Variants in ARHGAP15 observed in about 807,000 individuals in gnomAD.
ARHGAP15 encodes the protein rho GTPase-activating protein 15.
A neutral mutation model predicts 63.7 loss-of-function variants in ARHGAP15; 51 were observed. The observed-to-expected ratio is 0.80, with a 90% CI of 0.64 to 1.01. The LOEUF (loss-of-function observed/expected upper bound fraction) is 1.01, where lower values mean the gene tolerates loss of function less well. ARHGAP15 is among the 50% of genes least tolerant of loss of function. ARHGAP15 has a pLI of 0.00. For missense variants in ARHGAP15, 560 were observed against 564.6 expected, an observed-to-expected ratio of 0.99 and a Z score of 0.08; for synonymous variants, 191 against 193.8, an observed-to-expected ratio of 0.99 and a Z score of 0.12.
intron 2 of ARHGAP15, among the ~76,000 whole-genome samples, chr2:143,185,949 A>G (rs1269833572): frequency 6.6e-6 from 1 of 152,132 alleles, no homozygotes; most frequent in African/African-American, 2.4e-5. Flanking sequence ...TTGTTTCTTG[A>G]GGGGGAAAAA....
At chr2:143,515,187 A>ATGGGCCC in intron 9 of ARHGAP15, among the ~76,000 whole-genome samples, 1 of 93,168 alleles carries the variant, frequency 1.1e-5, no homozygotes, top group African/African-American at 3.4e-5. Context: ...CACTATATTA[A>ATGGGCCC]CCCCCCCACC....
chr2:143,528,631 G>A (rs184110172), intron 10 of ARHGAP15, among the ~76,000 whole-genome samples: 7 of 152,136 alleles, frequency 4.6e-5, no homozygotes, highest in South Asian at 2.1e-4. Context: ...CTGTAAAGAC[G>A]TTGAATATAC....
At chr2:143,425,452 C>A (rs1689102719) in intron 6 of ARHGAP15, among the ~76,000 whole-genome samples, 1 of 151,652 alleles carries the variant, frequency 6.6e-6, no homozygotes, top group Admixed American at 6.6e-5. Flanking sequence ...CATCATATGT[C>A]ACTATATGTG....
chr2:143,233,966 T>C lies in ARHGAP15; in HGVS notation c.384+5298T>C, dbSNP rs1160958957. Among the ~76,000 whole-genome samples the C allele has an allele frequency of 2.0e-5, 3 of 152,206 alleles. No homozygotes were observed. In the East Asian group the frequency reaches 5.8e-4, roughly 29 times the overall value. On this transcript the variant is annotated intron_variant, in intron 5 of 13. Transcript: ENST00000295095. The stretch of plus-strand genomic sequence containing the variant: ...GGCCCAATGGCTATCTTTTCAAATG[T>C]AGCCCTTTTTACATTCCCTCTCTCA...
chr2:143,353,282 C>A (rs1041978693), intron 6 of ARHGAP15, among the ~76,000 whole-genome samples: 1 of 152,020 alleles, frequency 6.6e-6, no homozygotes, highest in Non-Finnish European at 1.5e-5. Context: ...AATGTGAGAT[C>A]CTGTCTCTAA....
chr2:143,218,324 G>A (rs1444373707), intron 4 of ARHGAP15, among the ~76,000 whole-genome samples: 5 of 122,714 alleles, frequency 4.1e-5, no homozygotes, highest in African/African-American at 1.6e-4. Flanking sequence ...TGTTACCCCA[G>A]GTGCACAGAA....
chr2:143,526,251 A>C (rs529501459), intron 10 of ARHGAP15, among the ~76,000 whole-genome samples: 2 of 152,232 alleles, frequency 1.3e-5, no homozygotes, highest in South Asian at 4.1e-4. Context: ...GCAGTTCAAC[A>C]ACCAGAGAGG....
intron 6 of ARHGAP15, among the ~76,000 whole-genome samples, chr2:143,274,984 A>G (rs1001279451): frequency 6.7e-6 from 1 of 149,972 alleles, no homozygotes; most frequent in African/African-American, 2.4e-5. Flanking sequence ...AACATGGTGA[A>G]ACCCCATCTC....
intron 13 of ARHGAP15, among the ~76,000 whole-genome samples, chr2:143,756,238 C>T (rs1686571900): frequency 6.6e-6 from 1 of 152,144 alleles, no homozygotes; most frequent in African/African-American, 2.4e-5. Flanking sequence ...TTATGTTTAT[C>T]TAACGTCACA....
chr2:143,754,304 G>A (rs1269378280), intron 13 of ARHGAP15, among the ~76,000 whole-genome samples: 1 of 152,188 alleles, frequency 6.6e-6, no homozygotes, highest in Non-Finnish European at 1.5e-5. Context: ...TAAAGTCCTT[G>A]TGCTTACGGC....
rs547751112 is a variant in ARHGAP15 at position 143,662,396 on chromosome 2, C to T, written c.1138+38129C>T. ...AAAACTAACAAACAGAAAGGACATC[C>T]ACACCAAAAACCCATCTGTACATCA... On this transcript the variant is annotated intron_variant, in intron 12 of 13. Transcript: ENST00000295095. Among the ~76,000 whole-genome samples, 497 of 145,086 alleles carry T rather than the reference C, an allele frequency of 3.4e-3. 1 individual carries two copies. The highest frequency in any genetic ancestry group is 0.012 in the African/African-American group (480 of 40,040).
At chr2:143,686,311 G>C (rs532198762) in intron 12 of ARHGAP15, among the ~76,000 whole-genome samples, 45 of 109,458 alleles carry the variant, frequency 4.1e-4, no homozygotes, top group African/African-American at 1.4e-3. Context: ...TTGAACCCTG[G>C]AGGTGGAGGT....
rs1469759042 is a variant in ARHGAP15, at chr2:143,698,108, T to TA, written c.1139-5311_1139-5310insA. Reference sequence around the variant, plus strand: ...GAGATGAATATTACTCCCTATACATTGATTACTGGGATAAACTGGTCTTTT... The same window carrying TA: ...GAGATGAATATTACTCCCTATACATTAGATTACTGGGATAAACTGGTCTTTT... On this transcript the variant is annotated intron_variant, in intron 12 of 13. Transcript: ENST00000295095. Among the ~76,000 whole-genome samples the TA allele has an allele frequency of 5.3e-5, 8 of 152,254 alleles. 1 individual carries two copies. Among genetic ancestry groups the TA allele is most frequent in the Admixed American group, 3.3e-4 (5 of 15,286 alleles).
At chr2:143,445,971 A>G (rs1370400704) in intron 8 of ARHGAP15, among the ~76,000 whole-genome samples, 1 of 152,008 alleles carries the variant, frequency 6.6e-6, no homozygotes, top group East Asian at 1.9e-4. Context: ...CACAAAAGTT[A>G]TCAAAGTGTT....
intron 6 of ARHGAP15, among the ~76,000 whole-genome samples, chr2:143,283,274 C>A (rs1431557699): frequency 6.6e-6 from 1 of 152,108 alleles, no homozygotes; most frequent in African/African-American, 2.4e-5. Flanking sequence ...TACACACTAT[C>A]TAGTTTGAAA....
At chr2:143,224,085 A>C (rs1046271007) in intron 4 of ARHGAP15, among the ~76,000 whole-genome samples, 5 of 152,244 alleles carry the variant, frequency 3.3e-5, no homozygotes, top group African/African-American at 1.2e-4. Flanking sequence ...TAAATCACAT[A>C]GTGCATATAA....
At chr2:143,165,335 A>G (rs1052028805) in intron 2 of ARHGAP15, among the ~76,000 whole-genome samples, 4 of 152,080 alleles carry the variant, frequency 2.6e-5, no homozygotes, top group East Asian at 1.9e-4. Context: ...TTCCTCCACT[A>G]CTTTTGGACA....
intron 6 of ARHGAP15, among the ~76,000 whole-genome samples, chr2:143,322,392 G>C (rs1240458279): frequency 6.6e-6 from 1 of 152,102 alleles, no homozygotes; most frequent in Non-Finnish European, 1.5e-5. Context: ...CAGAGAGTGG[G>C]CTACCTTCTC....
At chr2:143,211,479 A>T (rs1192443943) in intron 3 of ARHGAP15, among the ~76,000 whole-genome samples, 5 of 152,150 alleles carry the variant, frequency 3.3e-5, no homozygotes, top group Non-Finnish European at 5.9e-5. Flanking sequence ...ACAGCAAAGT[A>T]CTATGATCTA....
Sources: gnomAD v4.1 joint callset for allele counts (sites outside exome capture counted in the v4.1 genomes callset) on GRCh38, gnomAD v4.1.1 for gene constraint, MANE v1.5 for transcripts, NCBI Gene and HGNC (gene_info 2026-07-23, HGNC 2026-07-21) for gene names.